Variants in PLXNA4 observed in about 807,000 individuals in gnomAD.
The protein encoded by PLXNA4 is plexin A4.
A neutral mutation model predicts 191.8 loss-of-function variants in PLXNA4; 44 were observed. The observed-to-expected ratio is 0.23, with a 90% CI of 0.18 to 0.29. The LOEUF (loss-of-function observed/expected upper bound fraction) is 0.29, where lower values mean the gene tolerates loss of function less well. Ranked by LOEUF, PLXNA4 falls within the 10% of genes least tolerant of loss-of-function variation. PLXNA4 has a pLI of 1.00. For synonymous variants in PLXNA4, 1,082 were observed against 1,009.5 expected, an observed-to-expected ratio of 1.07 and a Z score of -1.36; for missense variants, 1,800 against 2,488.8, an observed-to-expected ratio of 0.72 and a Z score of 5.89.
At chr7:132,566,517 G>A (rs1355046949) in intron 1 of PLXNA4, among the ~76,000 whole-genome samples, 2 of 152,056 alleles carry the variant, frequency 1.3e-5, no homozygotes, top group African/African-American at 2.4e-5. Flanking sequence ...CAAAGTTTAG[G>A]GAGATGTGTC....
At chr7:132,219,193 G>A (rs1258217247) in intron 9 of PLXNA4, among the ~76,000 whole-genome samples, 1 of 152,166 alleles carries the variant, frequency 6.6e-6, no homozygotes, top group Non-Finnish European at 1.5e-5. Flanking sequence ...AGTCACCAGG[G>A]CCTGGGTATA....
chr7:132,336,453 C>A (rs1802819407), intron 3 of PLXNA4, among the ~76,000 whole-genome samples: 1 of 152,206 alleles, frequency 6.6e-6, no homozygotes, highest in Non-Finnish European at 1.5e-5. Flanking sequence ...GCATCCATAA[C>A]CTCTTCCTAC....
At chr7:132,206,808 T>A (rs1797639463) in intron 10 of PLXNA4, among the ~76,000 whole-genome samples, 1 of 152,056 alleles carries the variant, frequency 6.6e-6, no homozygotes, top group Admixed American at 6.5e-5. Flanking sequence ...GATCGCCCTA[T>A]CTCCACTCCA....
chr7:132,532,195 T>C (rs1483445072), intron 1 of PLXNA4, among the ~76,000 whole-genome samples: 3 of 152,218 alleles, frequency 2.0e-5, no homozygotes, highest in African/African-American at 7.2e-5. Context: ...AAAAACTAAC[T>C]GGCACTTGTG....
intron 3 of PLXNA4, among the ~76,000 whole-genome samples, chr7:132,418,266 A>G (rs905388855): frequency 6.6e-6 from 1 of 152,196 alleles, no homozygotes; most frequent in Non-Finnish European, 1.5e-5. Context: ...AAGTTCATTC[A>G]TCCCTCCCCC....
intron 2 of PLXNA4, among the ~76,000 whole-genome samples, chr7:132,599,436 G>A (rs1802776363): frequency 6.6e-6 from 1 of 152,116 alleles, no homozygotes; most frequent in Non-Finnish European, 1.5e-5. Context: ...TTCTCTGGAA[G>A]GACCTCAGGT....
chr7:132,288,268 G>A (rs1800757112), intron 4 of PLXNA4, among the ~76,000 whole-genome samples: 1 of 152,162 alleles, frequency 6.6e-6, no homozygotes, highest in Non-Finnish European at 1.5e-5. Flanking sequence ...AGGTTTTAGG[G>A]TACAGTGGAC....
chr7:132,266,659 C>T (rs1799870991), intron 4 of PLXNA4, among the ~76,000 whole-genome samples: 2 of 152,216 alleles, frequency 1.3e-5, no homozygotes, highest in African/African-American at 2.4e-5. Context: ...CACCTGCCCA[C>T]AGAGGTGCAA....
At chr7:132,497,322 A>G (rs763532031) in intron 2 of PLXNA4, among the ~76,000 whole-genome samples, 75 of 152,232 alleles carry the variant, frequency 4.9e-4, no homozygotes, top group Non-Finnish European at 8.2e-4. Context: ...ATGATCACCC[A>G]CTTATTGGGA....
intron 4 of PLXNA4, among the ~76,000 whole-genome samples, chr7:132,248,155 C>T (rs186514712): frequency 2.2e-4 from 34 of 152,330 alleles, no homozygotes; most frequent in South Asian, 1.4e-3. Flanking sequence ...TTCTGTGCTT[C>T]TGTCATTGCC....
At chr7:132,280,937 T>C (rs986988947) in intron 4 of PLXNA4, among the ~76,000 whole-genome samples, 1 of 151,898 alleles carries the variant, frequency 6.6e-6, no homozygotes, top group Non-Finnish European at 1.5e-5. Flanking sequence ...TTATAAAAAA[T>C]TTATTAATAA....
intron 3 of PLXNA4, among the ~76,000 whole-genome samples, chr7:132,365,584 C>A (rs527972914): frequency 6.6e-6 from 1 of 151,786 alleles, no homozygotes; most frequent in African/African-American, 2.4e-5. Context: ...ATAGGAAAAC[C>A]GGAAAAGAAA....
intron 2 of PLXNA4, among the ~76,000 whole-genome samples, chr7:132,607,776 C>T (rs1428388970): frequency 6.6e-6 from 1 of 152,166 alleles, no homozygotes; most frequent in Non-Finnish European, 1.5e-5. Flanking sequence ...TCATCATTAT[C>T]ACCATCACCA....
rs781416772 is a variant in PLXNA4 at position 132,132,377 on chromosome 7, TA to T, written c.5589+671del. On this transcript the variant is annotated intron_variant, in intron 31 of 31. Transcript: ENST00000321063. The stretch of plus-strand genomic sequence containing the variant: ...AGGGAACAAAACAGAAAACACATTC[TA>T]TTTGTTCTGTTCTGTTCTGTTCTGT... 1.0e-3 allele frequency among the ~76,000 whole-genome samples: 136 copies of T among 132,172 alleles called. 2 individuals carry two copies. Among genetic ancestry groups the T allele is most frequent in the Non-Finnish European group, 1.2e-3 (77 of 62,842 alleles). The allele number at this position is 132,172 out of a possible 152,430, so 86.7% of individuals were successfully genotyped here. A position where few individuals can be genotyped will look rare whatever the true frequency, so the allele number is the denominator to read the frequency against.
chr7:132,238,964 G>A (rs1798792769), intron 5 of PLXNA4, among the ~76,000 whole-genome samples: 1 of 150,780 alleles, frequency 6.6e-6, no homozygotes, highest in African/African-American at 2.5e-5. Context: ...CAGTGAGGCA[G>A]GGGAGACAGG....
intron 3 of PLXNA4, among the ~76,000 whole-genome samples, chr7:132,344,867 A>C (rs550344997): frequency 1.3e-5 from 2 of 152,282 alleles, no homozygotes; most frequent in South Asian, 4.2e-4. Context: ...GTCTAAACCC[A>C]AAGCAACACA....
At chr7:132,585,504 C>T (rs1358426639) in intron 2 of PLXNA4, among the ~76,000 whole-genome samples, 1 of 151,608 alleles carries the variant, frequency 6.6e-6, no homozygotes, top group African/African-American at 2.4e-5. Flanking sequence ...CATTGGATCA[C>T]TAAAAGATAG....
intron 4 of PLXNA4, among the ~76,000 whole-genome samples, chr7:132,243,940 G>T (rs1408385130): frequency 6.6e-6 from 1 of 151,660 alleles, no homozygotes. Context: ...TTTCCTCCTT[G>T]AGCTATGATA....
At chr7:132,387,737 G>A (rs907660600) in intron 3 of PLXNA4, among the ~76,000 whole-genome samples, 7 of 152,198 alleles carry the variant, frequency 4.6e-5, no homozygotes, top group African/African-American at 1.7e-4. Flanking sequence ...ACTTGATTCT[G>A]TAATGGAGAT....
Sources: gnomAD v4.1 joint callset for allele counts (sites outside exome capture counted in the v4.1 genomes callset) on GRCh38, gnomAD v4.1.1 for gene constraint, MANE v1.5 for transcripts, NCBI Gene and HGNC (gene_info 2026-07-23, HGNC 2026-07-21) for gene names.